Variants in OLFM4 observed in about 807,000 individuals in gnomAD.
The protein encoded by OLFM4 is olfactomedin 4, also known as olfactomedin-4.
Under a neutral mutation model 25.5 loss-of-function variants are expected in OLFM4, and 22 were observed. The observed-to-expected ratio is 0.86, with a 90% confidence interval of 0.62 to 1.23. OLFM4 has a LOEUF of 1.23. Among genes scored for constraint, OLFM4 ranks in the 50% most tolerant of loss-of-function variants. OLFM4 has a pLI of 0.00. For synonymous variants in OLFM4, 255 were observed against 237.7 expected, an observed-to-expected ratio of 1.07 and a Z score of -0.67; for missense variants, 594 against 619.4, an observed-to-expected ratio of 0.96 and a Z score of 0.44.
At chr13:53,049,837 A>G in intron 4 of OLFM4, 132 bp from the exon 5 acceptor site, 1 of 931,332 alleles carries the variant, frequency 1.1e-6, no homozygotes. Context: ...CTTCTCCATC[A>G]GAACCACTGT....
At chr13:53,043,451 A>G (rs1285564800) in intron 4 of OLFM4, among the ~76,000 whole-genome samples, 187 bp downstream of exon 4, 4 of 146,014 alleles carry the variant, frequency 2.7e-5, no homozygotes, top group African/African-American at 5.1e-5. Context: ...TCTACATGCT[A>G]TCATATTCTG....
intron 2 of OLFM4, among the ~76,000 whole-genome samples, chr13:53,034,892 C>T (rs943970530): frequency 6.6e-6 from 1 of 152,134 alleles, no homozygotes; most frequent in Non-Finnish European, 1.5e-5. Flanking sequence ...CCTCTATCCC[C>T]TTTAGTTCTA....
intron 4 of OLFM4, among the ~76,000 whole-genome samples, chr13:53,044,247 C>T (rs1954703544): frequency 6.6e-6 from 1 of 152,150 alleles, no homozygotes; most frequent in Admixed American, 6.6e-5. Flanking sequence ...GATTACTGTG[C>T]CCTGCAATGC....
intron 1 of OLFM4, among the ~76,000 whole-genome samples, chr13:53,032,222 A>G (rs1289603800): frequency 6.6e-6 from 1 of 152,210 alleles, no homozygotes; most frequent in Non-Finnish European, 1.5e-5. Flanking sequence ...TTGACTGTCT[A>G]GAGATTGCTT....
rs1444288036 is a variant in OLFM4, at chr13:53,051,756, G to A, written c.*985G>A. On this transcript the variant is annotated 3_prime_UTR_variant, in exon 5 of 5. Coordinates refer to ENST00000219022, the MANE Select transcript of OLFM4 (RefSeq NM_006418.5). ...CTTGGAGCATATGTGCAACTTATGA[G>A]TGTATCAGTTGTTGCATGTAATTTT... is the stretch of plus-strand genomic sequence containing the variant. The A allele has an allele frequency of 6.6e-6, 1 of 152,188 alleles. No homozygotes were observed. Among genetic ancestry groups the A allele is most frequent in the Admixed American group, 6.5e-5 (1 of 15,278 alleles). The allele number at this position is 152,188 out of a possible 1,614,324, so 9.4% of individuals were successfully genotyped here.
chr13:53,050,547 TG>T lies in OLFM4; in HGVS notation c.1310del (p.Cys437LeufsTer10). The T allele has an allele frequency of 6.2e-7, 1 of 1,614,030 alleles. No individual in the cohort carries two copies. Among genetic ancestry groups the T allele is most frequent in the Non-Finnish European group, 8.5e-7 (1 of 1,179,960 alleles). Reference sequence around the variant, plus strand: ...ATCTGCTTCTAACGCCTTCATGGTATGTGGGGTTCTGTATGCCACCCGTACT... The same window carrying T: ...ATCTGCTTCTAACGCCTTCATGGTATTGGGGTTCTGTATGCCACCCGTACT... ...KPSASNAFMV[C>X]GVLYATRTMN... On this transcript the variant is annotated frameshift_variant, in exon 5 of 5. Coordinates refer to ENST00000219022, the MANE Select transcript of OLFM4 (RefSeq NM_006418.5). LOFTEE classifies it high-confidence loss of function.
At chr13:53,038,103 T>C (rs542768699) in intron 2 of OLFM4, among the ~76,000 whole-genome samples, 18 of 152,300 alleles carry the variant, frequency 1.2e-4, no homozygotes, top group African/African-American at 3.8e-4. Flanking sequence ...AGACTTGTCA[T>C]GATGAGGAGC....
chr13:53,048,694 C>T (rs1300947563), intron 4 of OLFM4, among the ~76,000 whole-genome samples: 1 of 152,172 alleles, frequency 6.6e-6, no homozygotes, highest in Non-Finnish European at 1.5e-5. Context: ...TCCAGCTCAC[C>T]TCATGTTCCT....
intron 4 of OLFM4, 122 bp from the exon 5 acceptor site, chr13:53,049,847 T>G (rs1483887399): frequency 1.7e-5 from 18 of 1,030,788 alleles, no homozygotes; most frequent in Non-Finnish European, 2.4e-5. Flanking sequence ...AGAACCACTG[T>G]TGTTATTGAA....
chr13:53,044,118 T>C (rs1320655711), intron 4 of OLFM4, among the ~76,000 whole-genome samples: 1 of 152,200 alleles, frequency 6.6e-6, no homozygotes, highest in Non-Finnish European at 1.5e-5. Context: ...TGGGGATTAA[T>C]GAGTCAGTGC....
intron 4 of OLFM4, among the ~76,000 whole-genome samples, chr13:53,044,395 A>T (rs1442540997): frequency 6.6e-6 from 1 of 152,122 alleles, no homozygotes; most frequent in African/African-American, 2.4e-5. Context: ...TCATCAAATC[A>T]TGCAATCCTT....
intron 4 of OLFM4, among the ~76,000 whole-genome samples, chr13:53,047,030 T>C (rs1475378995): frequency 6.6e-6 from 1 of 152,186 alleles, no homozygotes; most frequent in Non-Finnish European, 1.5e-5. Context: ...TTTGCTTCCT[T>C]GGTAGTGGAG....
At chr13:53,041,820 A>G (rs949494354) in intron 2 of OLFM4, 90 bp from the exon 3 acceptor site, 3 of 802,036 alleles carry the variant, frequency 3.7e-6, no homozygotes, top group African/African-American at 3.4e-5. Flanking sequence ...GGCAAGAATC[A>G]AATAGTTCTC....
intron 2 of OLFM4, among the ~76,000 whole-genome samples, chr13:53,038,825 A>G (rs1235703585): frequency 6.6e-6 from 1 of 152,220 alleles, no homozygotes; most frequent in South Asian, 2.1e-4. Flanking sequence ...AAAAGTTCAT[A>G]TGAATGATTT....
intron 1 of OLFM4, among the ~76,000 whole-genome samples, chr13:53,032,513 G>A (rs1037299237): frequency 7.9e-5 from 12 of 152,082 alleles, no homozygotes; most frequent in Non-Finnish European, 1.6e-4. Context: ...GGTTCCTGGT[G>A]TATCTTACCG....
At chr13:53,030,653 A>T (rs1954624541) in intron 1 of OLFM4, among the ~76,000 whole-genome samples, 1 of 152,180 alleles carries the variant, frequency 6.6e-6, no homozygotes, top group African/African-American at 2.4e-5. Flanking sequence ...GTCCCATTTT[A>T]GAGATGTGAA....
intron 2 of OLFM4, among the ~76,000 whole-genome samples, chr13:53,038,501 T>G (rs1286641869): frequency 2.0e-5 from 3 of 152,190 alleles, no homozygotes; most frequent in African/African-American, 7.2e-5. Context: ...ATGTAGGCAA[T>G]TATAATACAA....
At chr13:53,034,735 A>G (rs900661599) in intron 2 of OLFM4, among the ~76,000 whole-genome samples, 2 of 152,160 alleles carry the variant, frequency 1.3e-5, no homozygotes, top group Non-Finnish European at 2.9e-5. Context: ...TAAACTCACT[A>G]TAGTATTGTG....
intron 1 of OLFM4, among the ~76,000 whole-genome samples, chr13:53,029,412 C>T (rs1291160264): frequency 6.6e-6 from 1 of 152,110 alleles, no homozygotes; most frequent in South Asian, 2.1e-4. Context: ...AACCTCTCCC[C>T]AGGTGATTCT....
Sources: allele counts gnomAD v4.1 joint callset (sites outside exome capture counted in the v4.1 genomes callset), GRCh38; gene constraint gnomAD v4.1.1; transcripts MANE v1.5; gene names NCBI Gene and HGNC (gene_info 2026-07-23, HGNC 2026-07-21).